The following CUBN variants were observed in gnomAD, a reference collection of about 807,000 sequenced individuals.
CUBN encodes 460 kDa receptor.
CUBN carries 282 observed loss-of-function variants against 405.3 expected under a neutral mutation model. That is an observed-to-expected ratio of 0.70 (90% CI 0.63 to 0.77). CUBN has a LOEUF of 0.77. Among genes scored for constraint, CUBN ranks in the 30% least tolerant of loss-of-function variants. The pLI is 0.00. For synonymous variants in CUBN, 1,684 were observed against 1,617.0 expected, an observed-to-expected ratio of 1.04 and a Z score of -0.99; for missense variants, 4,514 against 4,475.2, an observed-to-expected ratio of 1.01 and a Z score of -0.25.
At chr10:17,078,428 C>G (rs1279392559) in intron 17 of CUBN, among the ~76,000 whole-genome samples, 1 of 152,188 alleles carries the variant, frequency 6.6e-6, no homozygotes, top group Non-Finnish European at 1.5e-5. Context: ...ACAGGGTCTA[C>G]AGATGAGAAT....
At chr10:16,967,724 A>G (rs1206570121) in intron 31 of CUBN, among the ~76,000 whole-genome samples, 1 of 151,508 alleles carries the variant, frequency 6.6e-6, no homozygotes, top group East Asian at 1.9e-4. Flanking sequence ...ACAAAAAGGG[A>G]GAGGGAGAGA....
intron 60 of CUBN, among the ~76,000 whole-genome samples, chr10:16,846,401 C>T (rs1839509560): frequency 6.6e-6 from 1 of 152,174 alleles, no homozygotes; most frequent in Admixed American, 6.5e-5. Context: ...ATTTTATATA[C>T]TTTCCTTTTA....
At chr10:17,026,308 G>A (rs1053726493) in intron 27 of CUBN, among the ~76,000 whole-genome samples, 3 of 152,192 alleles carry the variant, frequency 2.0e-5, no homozygotes, top group African/African-American at 7.2e-5. Flanking sequence ...GCTTTGAAAT[G>A]TTCCTGTAAC....
At chr10:16,873,792 ATGTGG>A (rs977844704) in intron 58 of CUBN, among the ~76,000 whole-genome samples, 1 of 151,834 alleles carries the variant, frequency 6.6e-6, no homozygotes, top group African/African-American at 2.4e-5. Flanking sequence ...AACATTGAGG[ATGTGG>A]TGTTTGGAGG....
chr10:17,055,712 G>C (rs929718399), intron 22 of CUBN, among the ~76,000 whole-genome samples: 3 of 152,016 alleles, frequency 2.0e-5, no homozygotes, highest in Non-Finnish European at 4.4e-5. Flanking sequence ...TTGATAACAA[G>C]TTTAATAGAA....
At chr10:16,850,742 G>A (rs1217708930) in intron 60 of CUBN, among the ~76,000 whole-genome samples, 1 of 152,186 alleles carries the variant, frequency 6.6e-6, no homozygotes, top group Non-Finnish European at 1.5e-5. Context: ...CAAATTGCTG[G>A]AATTACAGGC....
intron 28 of CUBN, among the ~76,000 whole-genome samples, chr10:16,991,781 A>G (rs1833596123): frequency 6.6e-6 from 1 of 152,126 alleles, no homozygotes; most frequent in South Asian, 2.1e-4. Flanking sequence ...GAACACTTTT[A>G]CACTGTTGGT....
At chr10:17,023,778 G>A in intron 27 of CUBN, 1 of 335,428 alleles carries the variant, frequency 3.0e-6, no homozygotes, top group Non-Finnish European at 6.2e-6. Flanking sequence ...TTCTCACCTT[G>A]AATATGCAGA....
intron 15 of CUBN, among the ~76,000 whole-genome samples, chr10:17,086,634 C>G (rs1836116808): frequency 6.6e-6 from 1 of 152,132 alleles, no homozygotes; most frequent in South Asian, 2.1e-4. Context: ...ATGTCAATCT[C>G]TCTATAATTT....
At chr10:17,106,822 T>G (rs188305160) in intron 10 of CUBN, among the ~76,000 whole-genome samples, 2 of 152,314 alleles carry the variant, frequency 1.3e-5, no homozygotes, top group South Asian at 2.1e-4. Context: ...TATGTGGATG[T>G]GCAGATTGCA....
Position 16,899,160 on chromosome 10 carries a change from C to T in CUBN, c.8434G>A (p.Asp2812Asn). 6.2e-7 allele frequency: 1 copy of T among 1,613,954 alleles called. No homozygotes were observed. Among genetic ancestry groups the T allele is most frequent in the Non-Finnish European group, 8.5e-7 (1 of 1,179,878 alleles). Residue 2812 changes from aspartate to asparagine, a missense_variant, in exon 54 of 67, where the codon GAT becomes AAT. Asp to Asn is a conservative substitution (Grantham distance 23). Coordinates refer to ENST00000377833, the MANE Select transcript of CUBN (RefSeq NM_001081.4). ...TGAGGGGATCTGATTGTACCATTATCAGAATGAAATATTCCACCACAACCT... is the reference window on the plus strand; with the variant it reads ...TGAGGGGATCTGATTGTACCATTATTAGAATGAAATATTCCACCACAACCT... ...TLGCGGIFHS[D>N]NGTIRSPHWP...
chr10:16,935,702 A>T (rs1267244012), intron 39 of CUBN, among the ~76,000 whole-genome samples: 1 of 151,684 alleles, frequency 6.6e-6, no homozygotes, highest in Admixed American at 6.6e-5. Flanking sequence ...ACACGGTGAA[A>T]CCCCATCTGT....
chr10:16,830,837 T>C (rs574483799), intron 65 of CUBN, among the ~76,000 whole-genome samples: 2 of 152,346 alleles, frequency 1.3e-5, no homozygotes, highest in East Asian at 3.9e-4. Flanking sequence ...GGCTCATGCC[T>C]GTAATCCCAG....
intron 31 of CUBN, among the ~76,000 whole-genome samples, chr10:16,958,987 G>A (rs1269862541): frequency 6.6e-6 from 1 of 152,166 alleles, no homozygotes; most frequent in East Asian, 1.9e-4. Context: ...ATCCTCTTGT[G>A]GGGAGGAACA....
rs113079734 is a variant in CUBN at position 16,836,377 on chromosome 10, G to A, written c.10038C>T (p.His3346=). ...YLQLQDSPQG[H]GNSRFQFCGR... The stretch of plus-strand genomic sequence containing the variant: ...CACAGAACTGAAATCTTGAATTTCC[G>A]TGACCCTGAAATGAAATGGGAGCCA... The change falls in exon 63 of 67, where the codon CAC becomes CAT. Residue 3346 remains histidine (H), a synonymous_variant. Transcript: ENST00000377833. 6.0e-5 allele frequency: 97 copies of A among 1,613,970 alleles called. No individual in the cohort carries two copies. Among genetic ancestry groups the A allele is most frequent in the African/African-American group, 5.5e-4 (41 of 75,018 alleles).
intron 33 of CUBN, among the ~76,000 whole-genome samples, chr10:16,951,761 A>G (rs886895837): frequency 6.6e-5 from 10 of 152,238 alleles, no homozygotes; most frequent in Non-Finnish European, 1.3e-4. Context: ...AGTACCTTGC[A>G]GGAGAGCCCA....
chr10:17,005,722 T>G (rs1194623239), intron 28 of CUBN, among the ~76,000 whole-genome samples: 1 of 152,206 alleles, frequency 6.6e-6, no homozygotes, highest in African/African-American at 2.4e-5. Flanking sequence ...TTTACCTGCC[T>G]TGCCTACTCT....
At chr10:16,956,205 T>C (rs543803752) in intron 31 of CUBN, among the ~76,000 whole-genome samples, 7 of 152,146 alleles carry the variant, frequency 4.6e-5, no homozygotes, top group Non-Finnish European at 8.8e-5. Context: ...GAATCAAATA[T>C]CAATAGGATT....
chr10:17,020,450 C>T (rs752794151), intron 27 of CUBN, among the ~76,000 whole-genome samples: 1 of 152,022 alleles, frequency 6.6e-6, no homozygotes, highest in East Asian at 1.9e-4. Context: ...GTATAATAAT[C>T]ACATCATAGA....
Sources: gnomAD v4.1 joint callset for allele counts (sites outside exome capture counted in the v4.1 genomes callset) on GRCh38, gnomAD v4.1.1 for gene constraint, MANE v1.5 for transcripts, NCBI Gene and HGNC (gene_info 2026-07-23, HGNC 2026-07-21) for gene names.